ZBTB25: variants seen among roughly 807,000 people sequenced by gnomAD.
The protein encoded by ZBTB25 is zinc finger and BTB domain-containing protein 25.
A neutral mutation model predicts 34.2 loss-of-function variants in ZBTB25; 20 were observed. That is an observed-to-expected ratio of 0.58 (90% confidence interval 0.41 to 0.85). ZBTB25 has a LOEUF of 0.85. ZBTB25 is among the 40% of genes least tolerant of loss of function. ZBTB25 has a pLI of 0.00. For synonymous variants in ZBTB25, 175 were observed against 186.4 expected (o/e 0.94, Z 0.50); for missense variants, 437 against 521.8 (o/e 0.84, Z 1.58).
chr14:64,450,811 G>A (rs1419407224), intron 2 of ZBTB25, among the ~76,000 whole-genome samples: 2 of 151,754 alleles, frequency 1.3e-5, no homozygotes, highest in East Asian at 1.9e-4. Flanking sequence ...GGACCCAAGT[G>A]GTCCTCCCAC....
chr14:64,494,250 A>C (rs1471990068), intron 1 of ZBTB25, among the ~76,000 whole-genome samples: 2 of 152,216 alleles, frequency 1.3e-5, no homozygotes, highest in African/African-American at 4.8e-5. Context: ...AAACATGTCG[A>C]GTGTACTGAC....
intron 2 of ZBTB25, chr14:64,454,711 T>G (rs754652795): frequency 6.2e-7 from 1 of 1,611,626 alleles, no homozygotes; most frequent in South Asian, 1.1e-5. Context: ...CTCTCTTCCC[T>G]TCTTTCCCCA....
In ZBTB25 at chr14:64,490,240, A is replaced by C. The variant is rs902524552; in HGVS notation, c.173+121T>G. 125 of 450,180 alleles carry C rather than the reference A, an allele frequency of 2.8e-4. 19 individuals are homozygous for C. In the South Asian group the frequency reaches 8.3e-3, roughly 30 times the overall value. 27.9% of individuals were successfully genotyped at this position (450,180 alleles called of 1,614,324 possible). On this transcript the variant is annotated intron_variant, in intron 2 of 2. Coordinates refer to ENST00000608382, the MANE Select transcript of ZBTB25 (RefSeq NM_006977.5). ...AAAAAAAAAAAAAAAAAAAAAAAAA[A>C]AAAATTATAATTTTACTTCTTAGTG...
At chr14:64,454,590 A>C (rs2078434027) in intron 2 of ZBTB25, 3 of 752,994 alleles carry the variant, frequency 4.0e-6, no homozygotes, top group Non-Finnish European at 6.8e-6. Context: ...GAGGACAGCA[A>C]GATAGAGATG....
chr14:64,457,563 C>T (rs546592094), intron 2 of ZBTB25, among the ~76,000 whole-genome samples: 1 of 151,634 alleles, frequency 6.6e-6, no homozygotes, highest in East Asian at 1.9e-4. Context: ...TCAAGCGATT[C>T]TCCTGCCTCA....
At position 64,487,362 on chromosome 14, in the gene ZBTB25, T is replaced by A. The variant is rs367629827; in HGVS notation, c.869A>T (p.Glu290Val). 2 of 1,614,138 alleles carry A rather than the reference T, an allele frequency of 1.2e-6. No homozygotes were observed. Among genetic ancestry groups the A allele is most frequent in the Non-Finnish European group, 1.7e-6 (2 of 1,180,020 alleles). Residue 290 changes from glutamate (E) to valine (V), a missense_variant, in exon 3 of 3, where the codon GAG (glutamate) becomes GTG (valine). Transcript: ENST00000608382. ...GEVHPLNENS[E>V]ALECRRLSSF... ...GCTGAGCCTGCGGCATTCAAGGGCC[T>A]CGCTGTTTTCATTAAGGGGATGCAC... is the stretch of plus-strand genomic sequence containing the variant.
intron 2 of ZBTB25, among the ~76,000 whole-genome samples, chr14:64,457,788 G>C (rs1156325324): frequency 1.3e-5 from 2 of 152,108 alleles, no homozygotes; most frequent in East Asian, 3.9e-4. Context: ...AACAGGATCA[G>C]TGACTTGATT....
At chr14:64,475,890 C>T (rs947669346), downstream of ZBTB25, among the ~76,000 whole-genome samples, 2 of 152,170 alleles carry the variant, frequency 1.3e-5, no homozygotes, top group East Asian at 1.9e-4. Flanking sequence ...GCACTTTCCC[C>T]ACCACTTGCT....
In ZBTB25 at chr14:64,487,296, G is replaced by GC; in HGVS notation, c.934_935insG (p.Thr312SerfsTer29). On this transcript the variant is annotated frameshift_variant, in exon 3 of 3. Transcript: ENST00000608382. LOFTEE classifies it high-confidence loss of function. ...CAAAGGCTCTGTGGTACCCCGGTTG[G>GC]TGTGGTCTGGCTGCTGTTCATTCTC... The GC allele has an allele frequency of 6.2e-7, 1 of 1,614,050 alleles. No individual in the cohort carries two copies.
At chr14:64,466,683 A>G (rs1305340720) in intron 2 of ZBTB25, among the ~76,000 whole-genome samples, 1 of 152,206 alleles carries the variant, frequency 6.6e-6, no homozygotes, top group Non-Finnish European at 1.5e-5. Context: ...TTAGATCATA[A>G]ACTGATTTTC....
At position 64,486,738 on chromosome 14, in the gene ZBTB25, A is replaced by G; in HGVS notation, c.*185T>C. On this transcript the variant is annotated 3_prime_UTR_variant, in exon 3 of 3. Coordinates refer to ENST00000608382, the MANE Select transcript of ZBTB25 (RefSeq NM_006977.5). Reference sequence around the variant, plus strand: ...AAGTTCACAGTAGTAATTGAATGTTACATTTTAATAGCCACATATTAATAT... The same window carrying G: ...AAGTTCACAGTAGTAATTGAATGTTGCATTTTAATAGCCACATATTAATAT... 1 of 1,258,150 alleles carries G rather than the reference A, an allele frequency of 7.9e-7. No individual in the cohort carries two copies. The highest frequency in any genetic ancestry group is 1.5e-5 in the African/African-American group (1 of 65,006). 77.9% of individuals were successfully genotyped at this position (1,258,150 alleles called of 1,614,324 possible). A position where few individuals can be genotyped will look rare whatever the true frequency, so the allele number is the denominator to read the frequency against.
Position 64,478,357 on chromosome 14 carries a change from G to A in ZBTB25, c.*8566C>T, listed in dbSNP as rs911481720. On this transcript the variant is annotated 3_prime_UTR_variant, in exon 3 of 3. Coordinates refer to ENST00000608382, the MANE Select transcript of ZBTB25 (RefSeq NM_006977.5). The stretch of plus-strand genomic sequence containing the variant: ...TATTCAGAATGGAATGGGTTGGAAA[G>A]TATGAGAGAAGAAAGTCAGTTGTTG... 6.6e-6 allele frequency: 1 copy of A among 152,242 alleles called. No individual in the cohort carries two copies. Among genetic ancestry groups the A allele is most frequent in the African/African-American group, 2.4e-5 (1 of 41,454 alleles). The allele number at this position is 152,242 out of a possible 1,614,324, so 9.4% of individuals were successfully genotyped here. A position where few individuals can be genotyped will look rare whatever the true frequency, so the allele number is the denominator to read the frequency against.
At chr14:64,499,082 T>C (rs566423325) in intron 1 of ZBTB25, among the ~76,000 whole-genome samples, 54 of 147,784 alleles carry the variant, frequency 3.7e-4, no homozygotes, top group African/African-American at 1.3e-3. Flanking sequence ...CAATAAAAAC[T>C]TTCTTTACTT....
At chr14:64,456,226 A>G (rs1202229722) in intron 2 of ZBTB25, among the ~76,000 whole-genome samples, 1 of 152,184 alleles carries the variant, frequency 6.6e-6, no homozygotes, top group Non-Finnish European at 1.5e-5. Flanking sequence ...AGACTTTCTC[A>G]TTTAGAACAA....
chr14:64,457,233 C>A (rs1040859967), intron 2 of ZBTB25, among the ~76,000 whole-genome samples: 1 of 152,178 alleles, frequency 6.6e-6, no homozygotes, highest in African/African-American at 2.4e-5. Context: ...GCTAGCAAGA[C>A]TGAACGAAAC....
At chr14:64,450,315 T>C (rs1273920085) in intron 2 of ZBTB25, among the ~76,000 whole-genome samples, 1 of 152,166 alleles carries the variant, frequency 6.6e-6, no homozygotes. Flanking sequence ...GCATCGAGCT[T>C]ACAAAATTTT....
At chr14:64,501,368 C>G (rs977677541) in intron 1 of ZBTB25, among the ~76,000 whole-genome samples, 2 of 152,154 alleles carry the variant, frequency 1.3e-5, no homozygotes, top group African/African-American at 2.4e-5. Flanking sequence ...GACACACAAT[C>G]AGCAAATGGT....
intron 2 of ZBTB25, chr14:64,455,075 A>G: frequency 1.7e-6 from 1 of 604,618 alleles, no homozygotes; most frequent in Non-Finnish European, 3.0e-6. Context: ...TCTTGGTGTC[A>G]AATCAAGAAT....
chr14:64,469,342 T>G (rs765202386), intron 2 of ZBTB25: 9 of 1,613,750 alleles, frequency 5.6e-6, no homozygotes, highest in Non-Finnish European at 7.6e-6. Context: ...AAGAATCAGA[T>G]TTTAAAGAAA....
Sources: allele counts gnomAD v4.1 joint callset (sites outside exome capture counted in the v4.1 genomes callset), GRCh38; gene constraint gnomAD v4.1.1; transcripts MANE v1.5; gene names NCBI Gene and HGNC (gene_info 2026-07-23, HGNC 2026-07-21).